The following NOL4 variants were observed in gnomAD, a reference collection of about 807,000 sequenced individuals.
NOL4 encodes nucleolar protein 4.
A neutral mutation model predicts 75.9 loss-of-function variants in NOL4; 17 were observed. The observed-to-expected ratio is 0.22, with a 90% confidence interval of 0.15 to 0.34. The LOEUF is 0.34. Among genes scored for constraint, NOL4 ranks in the 10% least tolerant of loss-of-function variants. The pLI is 1.00. For missense variants in NOL4, 614 were observed against 793.5 expected, an observed-to-expected ratio of 0.77 and a Z score of 2.72; for synonymous variants, 292 against 289.9, an observed-to-expected ratio of 1.01 and a Z score of -0.07.
intron 1 of NOL4, among the ~76,000 whole-genome samples, chr18:34,134,889 A>C (rs1385583600): frequency 3.9e-5 from 6 of 152,220 alleles, no homozygotes; most frequent in African/African-American, 1.4e-4. Flanking sequence ...AAGGAAAACT[A>C]GAAATACTTT....
At chr18:33,901,911 G>C (rs150532051) in intron 9 of NOL4, among the ~76,000 whole-genome samples, 2 of 152,028 alleles carry the variant, frequency 1.3e-5, no homozygotes, top group Non-Finnish European at 1.5e-5. Context: ...GAAGACAGAA[G>C]TATGAAGAAG....
At chr18:33,878,166 T>C (rs564252893) in intron 10 of NOL4, among the ~76,000 whole-genome samples, 1 of 152,254 alleles carries the variant, frequency 6.6e-6, no homozygotes, top group East Asian at 1.9e-4. Context: ...GGAAGGACTT[T>C]GGGAGCCCTG....
intron 1 of NOL4, among the ~76,000 whole-genome samples, chr18:34,170,175 A>T (rs774112669): frequency 2.0e-4 from 29 of 145,004 alleles, no homozygotes; most frequent in Non-Finnish European, 3.0e-4. Flanking sequence ...CTGTTTAAGA[A>T]CTATTTTTTT....
At chr18:33,949,961 T>C (rs2069100113) in intron 8 of NOL4, among the ~76,000 whole-genome samples, 1 of 152,018 alleles carries the variant, frequency 6.6e-6, no homozygotes, top group East Asian at 1.9e-4. Context: ...TTTAACTACA[T>C]GATCCTTTAT....
chr18:34,188,725 T>C (rs1426049338), intron 1 of NOL4, among the ~76,000 whole-genome samples: 1 of 152,210 alleles, frequency 6.6e-6, no homozygotes, highest in African/African-American at 2.4e-5. Flanking sequence ...ATTCAAAATC[T>C]GAAGTACAGT....
chr18:34,020,758 T>TA lies in NOL4; in HGVS notation c.773-1158dup, dbSNP rs892786386. Among the ~76,000 whole-genome samples the TA allele has an allele frequency of 2.3e-3, 350 of 151,204 alleles. 1 individual carries two copies. Among genetic ancestry groups the TA allele is most frequent in the African/African-American group, 6.7e-3 (276 of 41,274 alleles). Reference sequence around the variant, plus strand: ...GTGGTTGGTATGATCCCAATTTTGTTAAAAAAAAACACATAGACAAAGATT... The same window carrying TA: ...GTGGTTGGTATGATCCCAATTTTGTTAAAAAAAAAACACATAGACAAAGATT... On this transcript the variant is annotated intron_variant, in intron 5 of 10. Transcript: ENST00000261592.
intron 3 of NOL4, among the ~76,000 whole-genome samples, chr18:34,104,835 T>C (rs891295413): frequency 3.3e-5 from 5 of 152,022 alleles, no homozygotes; most frequent in Admixed American, 6.6e-5. Flanking sequence ...GGAAAAATGT[T>C]ATTTGCCACA....
chr18:34,016,133 G>A (rs952320553), intron 6 of NOL4, among the ~76,000 whole-genome samples: 1 of 152,144 alleles, frequency 6.6e-6, no homozygotes, highest in East Asian at 1.9e-4. Context: ...TACAACCTAT[G>A]GAGGTTAGAT....
At chr18:33,940,306 C>T (rs534464406) in intron 9 of NOL4, among the ~76,000 whole-genome samples, 6 of 152,020 alleles carry the variant, frequency 3.9e-5, no homozygotes, top group South Asian at 4.1e-4. Context: ...CCAACAAATG[C>T]CCATCAATTA....
intron 5 of NOL4, chr18:34,023,422 G>C: frequency 2.2e-6 from 1 of 456,168 alleles, no homozygotes; most frequent in Non-Finnish European, 4.4e-6. Context: ...ACTTTAAAGG[G>C]GTAATCTGCT....
chr18:34,142,718 TAAATC>T (rs1200645548), intron 1 of NOL4, among the ~76,000 whole-genome samples: 1 of 152,040 alleles, frequency 6.6e-6, no homozygotes, highest in Non-Finnish European at 1.5e-5. Flanking sequence ...CTTTAGGAGA[TAAATC>T]TAATGTAAAT....
chr18:34,140,648 G>A (rs2081107813), intron 1 of NOL4, among the ~76,000 whole-genome samples: 1 of 152,140 alleles, frequency 6.6e-6, no homozygotes, highest in Non-Finnish European at 1.5e-5. Context: ...GCCAGTCTGT[G>A]TCTTTTAATT....
intron 1 of NOL4, among the ~76,000 whole-genome samples, chr18:34,219,036 A>C (rs549170024): frequency 6.6e-6 from 1 of 152,334 alleles, no homozygotes; most frequent in South Asian, 2.1e-4. Context: ...CATTATAATC[A>C]CTGTACAGTA....
At chr18:33,924,723 A>C (rs2067228089) in intron 9 of NOL4, among the ~76,000 whole-genome samples, 1 of 152,214 alleles carries the variant, frequency 6.6e-6, no homozygotes, top group Admixed American at 6.5e-5. Flanking sequence ...GGAGGCCATT[A>C]CAATGTTAGC....
intron 10 of NOL4, among the ~76,000 whole-genome samples, chr18:33,880,934 T>G (rs1015979694): frequency 6.6e-6 from 1 of 152,008 alleles, no homozygotes; most frequent in East Asian, 1.9e-4. Context: ...ATGTATTAAA[T>G]GGCCTTGTTT....
intron 5 of NOL4, among the ~76,000 whole-genome samples, chr18:34,037,153 T>A (rs2075943890): frequency 6.6e-6 from 1 of 151,874 alleles, no homozygotes. Context: ...GAAAGTGAAA[T>A]CAAGAAGGCA....
chr18:34,014,296 T>C (rs1422305648), intron 6 of NOL4, among the ~76,000 whole-genome samples: 1 of 151,932 alleles, frequency 6.6e-6, no homozygotes, highest in East Asian at 1.9e-4. Context: ...TTAGGGGTCT[T>C]GGGAACTGAG....
intron 1 of NOL4, among the ~76,000 whole-genome samples, chr18:34,177,198 A>G (rs1236859101): frequency 6.6e-6 from 1 of 152,030 alleles, no homozygotes; most frequent in Non-Finnish European, 1.5e-5. Context: ...CCATTTACAT[A>G]AAATTCTAGA....
intron 1 of NOL4, among the ~76,000 whole-genome samples, chr18:34,159,268 C>T (rs1357827759): frequency 1.3e-5 from 2 of 152,204 alleles, no homozygotes; most frequent in African/African-American, 4.8e-5. Context: ...TGCTCCCAAC[C>T]CGCGACCCTC....
Sources: gnomAD v4.1 joint callset for allele counts (sites outside exome capture counted in the v4.1 genomes callset) on GRCh38, gnomAD v4.1.1 for gene constraint, MANE v1.5 for transcripts, NCBI Gene and HGNC (gene_info 2026-07-23, HGNC 2026-07-21) for gene names.